The following TUSC2 variants were observed in gnomAD, a reference collection of about 807,000 sequenced individuals.
TUSC2 encodes the protein tumor suppressor candidate 2.
In TUSC2, 7 loss-of-function variants were observed where a neutral mutation model predicts 11.5. The observed-to-expected ratio is 0.61, with a 90% CI of 0.35 to 1.14. The LOEUF (loss-of-function observed/expected upper bound fraction) is 1.14. Ranked by LOEUF, TUSC2 falls within the 50% of genes most tolerant of loss-of-function variation. TUSC2 has a pLI of 0.03. For synonymous variants in TUSC2, 61 were observed against 64.1 expected (o/e 0.95, Z 0.23); for missense variants, 132 against 155.0 (o/e 0.85, Z 0.79).
intron 1 of TUSC2, chr3:50,327,372 C>A (rs1455596007): frequency 2.5e-6 from 1 of 395,938 alleles, no homozygotes; most frequent in African/African-American, 2.1e-5. Context: ...CCACTAGAGC[C>A]AAGCCAATCT....
In TUSC2 at chr3:50,328,170, TG is replaced by T. The variant is rs1236104413; in HGVS notation, c.-72del. The T allele has an allele frequency of 7.8e-7, 1 of 1,290,054 alleles. No individual in the cohort carries two copies. Among genetic ancestry groups the T allele is most frequent in the Non-Finnish European group, 9.8e-7 (1 of 1,016,904 alleles). The allele number at this position is 1,290,054 out of a possible 1,614,324, so 79.9% of individuals were successfully genotyped here. ...CACCGCAGTCCGCACTACCATAACCTGCCCCAGCCGCTGATCGCAGGTGCCG... is the reference window on the plus strand; with the variant it reads ...CACCGCAGTCCGCACTACCATAACCTCCCCAGCCGCTGATCGCAGGTGCCG... On this transcript the variant is annotated 5_prime_UTR_variant, in exon 1 of 3. Coordinates refer to ENST00000232496, the MANE Select transcript of TUSC2 (RefSeq NM_007275.3).
chr3:50,326,551 G>A (rs2109330876), intron 1 of TUSC2, 74 bp from the exon 2 acceptor site: 1 of 1,588,658 alleles, frequency 6.3e-7, no homozygotes, highest in Non-Finnish European at 8.6e-7. Context: ...CAGGTCACGG[G>A]GAAGTCTGTG....
At position 50,328,192 on chromosome 3, in the gene TUSC2, T is replaced by TCCC; in HGVS notation, c.-94_-93insGGG. The TCCC allele has an allele frequency of 2.4e-6, 3 of 1,276,540 alleles. No homozygotes were observed. Among genetic ancestry groups the TCCC allele is most frequent in the Non-Finnish European group, 3.0e-6 (3 of 1,003,756 alleles). 79.1% of individuals were successfully genotyped at this position (1,276,540 alleles called of 1,614,324 possible). Reference sequence around the variant, plus strand: ...ACCTGCCCCAGCCGCTGATCGCAGGTGCCGCCGCCGCCGCCTTCCGCAGGC... The same window carrying TCCC: ...ACCTGCCCCAGCCGCTGATCGCAGGTCCCGCCGCCGCCGCCGCCTTCCGCAGGC... On this transcript the variant is annotated 5_prime_UTR_variant, in exon 1 of 3. Transcript: ENST00000232496.
chr3:50,326,578 G>C, intron 1 of TUSC2, 101 bp from the exon 2 acceptor site: 1 of 1,524,188 alleles, frequency 6.6e-7, no homozygotes, highest in Non-Finnish European at 8.9e-7. Flanking sequence ...CCAACCCCAA[G>C]TGGGAAGAAA....
chr3:50,328,159 C>T lies in TUSC2; in HGVS notation c.-60G>A, dbSNP rs1031968038. ...CGCTCTGCTCACACCGCAGTCCGCA[C>T]TACCATAACCTGCCCCAGCCGCTGA... On this transcript the variant is annotated 5_prime_UTR_variant, in exon 1 of 3. It adds an upstream start codon to the 5' untranslated region. Coordinates refer to ENST00000232496, the MANE Select transcript of TUSC2 (RefSeq NM_007275.3). 11 of 1,305,060 alleles carry T rather than the reference C, an allele frequency of 8.4e-6. No individual in the cohort carries two copies. The East Asian group carries it at 2.8e-4, about 34-fold the overall frequency. The allele number at this position is 1,305,060 out of a possible 1,614,324, so 80.8% of individuals were successfully genotyped here.
rs1702774250 is a variant in TUSC2, at chr3:50,325,461, TAG to T, written c.*658_*659del. On this transcript the variant is annotated 3_prime_UTR_variant, in exon 3 of 3. Coordinates refer to ENST00000232496, the MANE Select transcript of TUSC2 (RefSeq NM_007275.3). This position sits in a 1 kb window ranked among gnomAD's most constrained non-coding sequence, Gnocchi z 5.1. ...GTTGGGGGGCAACAGTTAGTTGCAG[TAG>T]GGGGATCAGCCCAGCCCTGGGTAGA... The T allele has an allele frequency of 3.3e-5, 5 of 152,220 alleles. No homozygotes were observed. In the South Asian group the frequency reaches 1.0e-3, roughly 31 times the overall value. 9.4% of individuals were successfully genotyped at this position (152,220 alleles called of 1,614,324 possible).
Position 50,325,991 on chromosome 3 carries a change from G to A in TUSC2, c.*130C>T. ...TGGGACCGACCCGCTCACAGCTGAA[G>A]GTTATGGGCCAACAGAGTTTATTCA... On this transcript the variant is annotated 3_prime_UTR_variant, in exon 3 of 3. Coordinates refer to ENST00000232496, the MANE Select transcript of TUSC2 (RefSeq NM_007275.3). The surrounding 1 kb of genome is among the most constrained non-coding windows in gnomAD (Gnocchi z 5.1). The A allele has an allele frequency of 8.6e-7, 1 of 1,166,822 alleles. No individual in the cohort carries two copies. Among genetic ancestry groups the A allele is most frequent in the Non-Finnish European group, 1.2e-6 (1 of 813,128 alleles). 72.3% of individuals were successfully genotyped at this position (1,166,822 alleles called of 1,614,324 possible).
chr3:50,326,329 G>A lies in TUSC2; in HGVS notation c.267+28C>T, dbSNP rs376323430. The A allele has an allele frequency of 7.4e-6, 12 of 1,613,522 alleles. No individual in the cohort carries two copies. The African/African-American group carries it at 1.6e-4, about 22-fold the overall frequency. ...GTCCACCTCCACACGCTTAGTGTAG[G>A]CTCTGTGACCGCTGCCCAGCCCCTC... On this transcript the variant is annotated intron_variant, in intron 2 of 2. Coordinates refer to ENST00000232496, the MANE Select transcript of TUSC2 (RefSeq NM_007275.3).
Position 50,326,465 on chromosome 3 carries a change from A to G in TUSC2, c.159T>C (p.Tyr53=), listed in dbSNP as rs1553717415. Residue 53 remains tyrosine, a synonymous_variant, in exon 2 of 3, where the codon TAT becomes TAC. Coordinates refer to ENST00000232496, the MANE Select transcript of TUSC2 (RefSeq NM_007275.3). The part of the protein sequence containing the change: ...FVFTRRGSMF[Y]DEDGDLAHEF... ...CGTGAGCCAGATCCCCATCCTCATCATAGAACATAGAGCTGTGTAGAGGGA... is the reference window on the plus strand; with the variant it reads ...CGTGAGCCAGATCCCCATCCTCATCGTAGAACATAGAGCTGTGTAGAGGGA... 2.5e-6 allele frequency: 4 copies of G among 1,613,964 alleles called. No homozygotes were observed. The highest frequency in any genetic ancestry group is 1.6e-4 in the Middle Eastern group (1 of 6,062).
In TUSC2 at chr3:50,326,026, C is replaced by T. The variant is rs1218978897; in HGVS notation, c.*95G>A. The T allele has an allele frequency of 2.7e-6, 4 of 1,461,604 alleles. No individual in the cohort carries two copies. The highest frequency in any genetic ancestry group is 4.0e-5 in the Admixed American group (2 of 50,310). 90.5% of individuals were successfully genotyped at this position (1,461,604 alleles called of 1,614,324 possible). A position where few individuals can be genotyped will look rare whatever the true frequency, so the allele number is the denominator to read the frequency against. ...CAACAGAGTTTATTCAGGGTTGTGG[C>T]CCCAGCCTGGGCTCCTCAATGGAAG... On this transcript the variant is annotated 3_prime_UTR_variant, in exon 3 of 3. Coordinates refer to ENST00000232496, the MANE Select transcript of TUSC2 (RefSeq NM_007275.3).
At position 50,325,161 on chromosome 3, in the gene TUSC2, A is replaced by G. The variant is rs1485682703; in HGVS notation, c.*960T>C. The G allele has an allele frequency of 6.6e-6, 1 of 151,472 alleles. No homozygotes were observed. The highest frequency in any genetic ancestry group is 2.4e-5 in the African/African-American group (1 of 40,960). The allele number at this position is 151,472 out of a possible 1,614,324, so 9.4% of individuals were successfully genotyped here. ...CTTTCTTTCCCTACCCAGGGGTTCT[A>G]GTGCTTTCCCTTGACTGATCCTGAA... On this transcript the variant is annotated 3_prime_UTR_variant, in exon 3 of 3. Transcript: ENST00000232496. The surrounding 1 kb of genome is among the most constrained non-coding windows in gnomAD (Gnocchi z 5.1).
Position 50,326,378 on chromosome 3 carries a change from C to T in TUSC2, c.246G>A (p.Val82=). 1.2e-6 allele frequency: 2 copies of T among 1,613,896 alleles called. No homozygotes were observed. Among genetic ancestry groups the T allele is most frequent in the Non-Finnish European group, 1.7e-6 (2 of 1,179,992 alleles). Residue 82 remains valine (V), a synonymous_variant, in exon 2 of 3, where the codon GTG becomes GTA. Coordinates refer to ENST00000232496, the MANE Select transcript of TUSC2 (RefSeq NM_007275.3). Reference sequence around the variant, plus strand: ...TCACCTGAGGAATCAGATTCTTATGCACTCGCCTCAGCTTGGCCCGCTTCT... The same window carrying T: ...TCACCTGAGGAATCAGATTCTTATGTACTCGCCTCAGCTTGGCCCGCTTCT... The part of the protein sequence containing the change: ...NGQKRAKLRR[V]HKNLIPQGIV...
In TUSC2 at chr3:50,328,210, C is replaced by T; in HGVS notation, c.-111G>A. ...TCGCAGGTGCCGCCGCCGCCGCCTT[C>T]CGCAGGCTCGGCTGTCTCCACGGAA... On this transcript the variant is annotated 5_prime_UTR_variant, in exon 1 of 3. Transcript: ENST00000232496. 1 of 1,241,730 alleles carries T rather than the reference C, an allele frequency of 8.1e-7. No individual in the cohort carries two copies. Among genetic ancestry groups the T allele is most frequent in the Non-Finnish European group, 1.0e-6 (1 of 969,520 alleles). The allele number at this position is 1,241,730 out of a possible 1,614,324, so 76.9% of individuals were successfully genotyped here.
Position 50,326,078 on chromosome 3 carries a change from T to G in TUSC2, c.*43A>C. On this transcript the variant is annotated 3_prime_UTR_variant, in exon 3 of 3. Coordinates refer to ENST00000232496, the MANE Select transcript of TUSC2 (RefSeq NM_007275.3). ...CACACCTTGATTGAGCCTGGGAGTTTCTTGCCGGGGCAGGGGGTGCTTCTG... is the reference window on the plus strand; with the variant it reads ...CACACCTTGATTGAGCCTGGGAGTTGCTTGCCGGGGCAGGGGGTGCTTCTG... The G allele has an allele frequency of 6.4e-7, 1 of 1,555,048 alleles. No homozygotes were observed. Among genetic ancestry groups the G allele is most frequent in the Non-Finnish European group, 8.7e-7 (1 of 1,148,566 alleles).
chr3:50,328,065 C>T lies in TUSC2; in HGVS notation c.35G>A (p.Trp12Ter). The T allele has an allele frequency of 6.8e-7, 1 of 1,480,634 alleles. No homozygotes were observed. The allele number at this position is 1,480,634 out of a possible 1,614,324, so 91.7% of individuals were successfully genotyped here. Reference sequence around the variant, plus strand: ...GCCTCCGGCCGCCGAGGCGAAGGGCCACAGGCCCCGAGCTTTGGACCCGCT... The same window carrying T: ...GCCTCCGGCCGCCGAGGCGAAGGGCTACAGGCCCCGAGCTTTGGACCCGCT... The part of the protein sequence containing the change: ...GASGSKARGL[W>*]PFASAAGGGG... Residue 12 changes from tryptophan (W) to a stop codon, truncating the protein, a stop_gained, in exon 1 of 3, where the codon TGG (tryptophan) becomes TAG (stop). Coordinates refer to ENST00000232496, the MANE Select transcript of TUSC2 (RefSeq NM_007275.3). LOFTEE classifies it high-confidence loss of function.
At position 50,325,640 on chromosome 3, in the gene TUSC2, C is replaced by T. The variant is rs145114447; in HGVS notation, c.*481G>A. On this transcript the variant is annotated 3_prime_UTR_variant, in exon 3 of 3. Coordinates refer to ENST00000232496, the MANE Select transcript of TUSC2 (RefSeq NM_007275.3). The surrounding 1 kb of genome is among the most constrained non-coding windows in gnomAD (Gnocchi z 5.1). ...ACACAGGAGGAATCGAGGTAGCAAA[C>T]GGCTGAAATGCTCTGACTAGGGGTT... is the stretch of plus-strand genomic sequence containing the variant. The T allele has an allele frequency of 6.5e-3, 1,036 of 158,908 alleles. 4 individuals are homozygous for T. Among genetic ancestry groups the T allele is most frequent in the Middle Eastern group, 0.022 (7 of 314 alleles). 9.8% of individuals were successfully genotyped at this position (158,908 alleles called of 1,614,324 possible).
rs1334551719 is a variant in TUSC2, at chr3:50,328,156, G to C, written c.-57C>G. 7 of 1,336,262 alleles carry C rather than the reference G, an allele frequency of 5.2e-6. No homozygotes were observed. 82.8% of individuals were successfully genotyped at this position (1,336,262 alleles called of 1,614,324 possible). On this transcript the variant is annotated 5_prime_UTR_variant, in exon 1 of 3. Coordinates refer to ENST00000232496, the MANE Select transcript of TUSC2 (RefSeq NM_007275.3). ...GGCCGCTCTGCTCACACCGCAGTCC[G>C]CACTACCATAACCTGCCCCAGCCGC...
In TUSC2 at chr3:50,325,940, C is replaced by T; in HGVS notation, c.*181G>A. ...ACCCACCAACCACCTCTTGTCCACA[C>T]ACAAACCAACACCCAACCAATACTG... On this transcript the variant is annotated 3_prime_UTR_variant, in exon 3 of 3. Transcript: ENST00000232496. The surrounding 1 kb of genome is among the most constrained non-coding windows in gnomAD (Gnocchi z 5.1). 2.6e-6 allele frequency: 2 copies of T among 755,786 alleles called. No individual in the cohort carries two copies. Among genetic ancestry groups the T allele is most frequent in the Admixed American group, 2.7e-5 (1 of 36,392 alleles). The allele number at this position is 755,786 out of a possible 1,614,324, so 46.8% of individuals were successfully genotyped here. A position where few individuals can be genotyped will look rare whatever the true frequency, so the allele number is the denominator to read the frequency against.
In TUSC2 at chr3:50,325,981, C is replaced by A; in HGVS notation, c.*140G>T. ...ACCAATACTGTGGGACCGACCCGCTCACAGCTGAAGGTTATGGGCCAACAG... is the reference window on the plus strand; with the variant it reads ...ACCAATACTGTGGGACCGACCCGCTAACAGCTGAAGGTTATGGGCCAACAG... On this transcript the variant is annotated 3_prime_UTR_variant, in exon 3 of 3. Transcript: ENST00000232496. The surrounding 1 kb of genome is among the most constrained non-coding windows in gnomAD (Gnocchi z 5.1). 1 of 1,084,332 alleles carries A rather than the reference C, an allele frequency of 9.2e-7. No homozygotes were observed. The highest frequency in any genetic ancestry group is 1.5e-5 in the South Asian group (1 of 66,302). The allele number at this position is 1,084,332 out of a possible 1,614,324, so 67.2% of individuals were successfully genotyped here. A position where few individuals can be genotyped will look rare whatever the true frequency, so the allele number is the denominator to read the frequency against.
Sources: gnomAD v4.1 joint callset for allele counts on GRCh38, gnomAD v4.1.1 for gene constraint, Gnocchi (gnomAD v3.1) non-coding constraint, MANE v1.5 for transcripts, NCBI Gene and HGNC (gene_info 2026-07-23, HGNC 2026-07-21) for gene names.